The following STAG1 variants were observed in gnomAD, a reference collection of about 807,000 sequenced individuals.
The protein encoded by STAG1 is STAG1 cohesin complex component.
STAG1 carries 26 observed loss-of-function variants against 170.9 expected under a neutral mutation model. That is an observed-to-expected ratio of 0.15 (90% confidence interval 0.11 to 0.21). STAG1 has a LOEUF of 0.21. Among genes scored for constraint, STAG1 ranks in the 10% least tolerant of loss-of-function variants. STAG1 has a pLI of 1.00. For missense variants in STAG1, 964 were observed against 1,509.5 expected (o/e 0.64, Z 5.99); for synonymous variants, 514 against 497.7 (o/e 1.03, Z -0.44).
chr3:136,459,675 C>T (rs2089220920), intron 13 of STAG1, among the ~76,000 whole-genome samples: 1 of 151,920 alleles, frequency 6.6e-6, no homozygotes, highest in African/African-American at 2.4e-5. Flanking sequence ...TCTTTTTTAA[C>T]CATAATGCAA....
At chr3:136,693,397 G>A (rs1942786144) in intron 1 of STAG1, among the ~76,000 whole-genome samples, 1 of 152,142 alleles carries the variant, frequency 6.6e-6, no homozygotes, top group African/African-American at 2.4e-5. Flanking sequence ...TTAAAAGAAA[G>A]GACTGGGAAA....
At chr3:136,583,639 A>G (rs1308356244) in intron 4 of STAG1, among the ~76,000 whole-genome samples, 1 of 152,104 alleles carries the variant, frequency 6.6e-6, no homozygotes. Context: ...AAATACAAAA[A>G]TTAGCCAGGT....
intron 1 of STAG1, among the ~76,000 whole-genome samples, chr3:136,712,109 C>T (rs1301189760): frequency 2.0e-5 from 3 of 152,172 alleles, no homozygotes; most frequent in Admixed American, 6.5e-5. Context: ...CCTCTGCCTA[C>T]CCAATTCAAG....
intron 5 of STAG1, among the ~76,000 whole-genome samples, chr3:136,550,462 C>T (rs1327331009): frequency 6.6e-6 from 1 of 152,116 alleles, no homozygotes; most frequent in Non-Finnish European, 1.5e-5. Flanking sequence ...CGCCCACCAC[C>T]ATGCCCGGCT....
intron 3 of STAG1, among the ~76,000 whole-genome samples, chr3:136,616,268 CAA>C (rs367863678): frequency 5.1e-4 from 62 of 122,010 alleles, no homozygotes; most frequent in Non-Finnish European, 5.7e-4. Flanking sequence ...GACTCCGTCT[CAA>C]AAAAAAAAAA....
intron 1 of STAG1, among the ~76,000 whole-genome samples, chr3:136,664,327 AG>A (rs1175901780): frequency 6.6e-6 from 1 of 152,220 alleles, no homozygotes; most frequent in African/African-American, 2.4e-5. Flanking sequence ...AGTGCATAAA[AG>A]TTTGGAAGCT....
chr3:136,581,709 A>T (rs914169336), intron 4 of STAG1, among the ~76,000 whole-genome samples: 3 of 152,176 alleles, frequency 2.0e-5, no homozygotes, highest in Admixed American at 6.5e-5. Context: ...AGATTTTCTA[A>T]ATGTTTACTT....
chr3:136,589,054 C>A (rs991239892), intron 4 of STAG1, among the ~76,000 whole-genome samples: 8 of 152,144 alleles, frequency 5.3e-5, no homozygotes, highest in Non-Finnish European at 1.2e-4. Context: ...AGCCACCACA[C>A]CCAGCCTTGT....
At chr3:136,656,617 T>TGTGTGTG (rs1941381695) in intron 1 of STAG1, among the ~76,000 whole-genome samples, 61 of 143,390 alleles carry the variant, frequency 4.3e-4, no homozygotes, top group African/African-American at 1.6e-3. Flanking sequence ...CTGTATTTAT[T>TGTGTGTG]TGTGTGTGTG....
chr3:136,529,996 C>T (rs1203402662), intron 6 of STAG1, among the ~76,000 whole-genome samples: 1 of 152,064 alleles, frequency 6.6e-6, no homozygotes, highest in African/African-American at 2.4e-5. Flanking sequence ...AAGTAATGCA[C>T]TTTACCTGTA....
chr3:136,485,329 C>T (rs1057087216), intron 9 of STAG1, among the ~76,000 whole-genome samples: 18 of 151,982 alleles, frequency 1.2e-4, no homozygotes, highest in African/African-American at 1.9e-4. Flanking sequence ...TGGTGGTGGG[C>T]ACCTGTAGTC....
At chr3:136,531,073 T>C (rs991197189) in intron 6 of STAG1, among the ~76,000 whole-genome samples, 6 of 152,096 alleles carry the variant, frequency 3.9e-5, no homozygotes, top group African/African-American at 2.4e-5. Flanking sequence ...CACTGCACTC[T>C]AGCCTGGGCA....
intron 11 of STAG1, among the ~76,000 whole-genome samples, chr3:136,472,990 T>C (rs185683620): frequency 5.0e-4 from 76 of 152,322 alleles, no homozygotes; most frequent in African/African-American, 1.8e-3. Context: ...TGAAGTTTCA[T>C]CTGTATTTAC....
At chr3:136,432,879 C>A (rs1303105819) in intron 16 of STAG1, among the ~76,000 whole-genome samples, 1 of 152,194 alleles carries the variant, frequency 6.6e-6, no homozygotes, top group Admixed American at 6.5e-5. Flanking sequence ...ATCGACCAAG[C>A]ATGTGGGTAC....
chr3:136,473,515 A>G, intron 11 of STAG1, 24 bp downstream of exon 11: 1 of 1,524,552 alleles, frequency 6.6e-7, no homozygotes, highest in South Asian at 1.2e-5. Flanking sequence ...AAAATTAAAT[A>G]AGCTTATCAT....
intron 23 of STAG1, among the ~76,000 whole-genome samples, chr3:136,372,874 G>A (rs1415972539): frequency 5.3e-5 from 8 of 152,182 alleles, no homozygotes; most frequent in Non-Finnish European, 1.2e-4. Context: ...AAATGAGTTA[G>A]GGAGGATTCC....
chr3:136,596,703 T>C (rs1406740339), intron 4 of STAG1, among the ~76,000 whole-genome samples: 2 of 152,214 alleles, frequency 1.3e-5, no homozygotes, highest in Non-Finnish European at 2.9e-5. Context: ...GCAATTTGCA[T>C]TGGACCTTTA....
At chr3:136,456,593 A>C (rs774807985) in intron 13 of STAG1, among the ~76,000 whole-genome samples, 3 of 152,232 alleles carry the variant, frequency 2.0e-5, no homozygotes, top group Non-Finnish European at 4.4e-5. Flanking sequence ...AAGCATATTA[A>C]AAGAGTAAGG....
At chr3:136,572,900 G>A (rs924238651) in intron 4 of STAG1, among the ~76,000 whole-genome samples, 3 of 152,184 alleles carry the variant, frequency 2.0e-5, no homozygotes, top group African/African-American at 7.2e-5. Context: ...CTCCAGGCCA[G>A]GTGCAATGGC....
Sources: gnomAD v4.1 joint callset for allele counts (sites outside exome capture counted in the v4.1 genomes callset) on GRCh38, gnomAD v4.1.1 for gene constraint, MANE v1.5 for transcripts, NCBI Gene and HGNC (gene_info 2026-07-23, HGNC 2026-07-21) for gene names.